The following CABLES1 variants were observed in gnomAD, a reference collection of about 807,000 sequenced individuals.
CABLES1 encodes the protein CDK5 and ABL1 enzyme substrate 1.
CABLES1 carries 36 observed loss-of-function variants against 57.8 expected under a neutral mutation model. The observed-to-expected ratio is 0.62, with a 90% confidence interval of 0.48 to 0.82. The LOEUF (loss-of-function observed/expected upper bound fraction) is 0.82, where lower values mean the gene tolerates loss of function less well. Among genes scored for constraint, CABLES1 ranks in the 40% least tolerant of loss-of-function variants. CABLES1 has a pLI of 0.00. For missense variants in CABLES1, 767 were observed against 836.6 expected, an observed-to-expected ratio of 0.92 and a Z score of 1.03; for synonymous variants, 374 against 363.0, an observed-to-expected ratio of 1.03 and a Z score of -0.35.
At chr18:23,168,899 T>C (rs909519458) in intron 1 of CABLES1, among the ~76,000 whole-genome samples, 2 of 150,234 alleles carry the variant, frequency 1.3e-5, no homozygotes, top group African/African-American at 5.1e-5. Flanking sequence ...AGCAGCTCCT[T>C]CTTAAATAGG....
chr18:23,203,475 A>T (rs1339872698), intron 3 of CABLES1, among the ~76,000 whole-genome samples: 1 of 151,900 alleles, frequency 6.6e-6, no homozygotes, highest in Non-Finnish European at 1.5e-5. Context: ...AAAAAAAAGA[A>T]AGAAACACGT....
intron 1 of CABLES1, among the ~76,000 whole-genome samples, chr18:23,148,803 A>G (rs1413098049): frequency 1.3e-5 from 2 of 152,226 alleles, no homozygotes; most frequent in Non-Finnish European, 2.9e-5. Flanking sequence ...ATCCAGAGGA[A>G]AACGGGAAGA....
chr18:23,242,847 A>G (rs1478519974), intron 7 of CABLES1, among the ~76,000 whole-genome samples: 1 of 152,094 alleles, frequency 6.6e-6, no homozygotes, highest in Non-Finnish European at 1.5e-5. Flanking sequence ...CTCTACCCCT[A>G]CATCTCCCCA....
chr18:23,190,131 C>T (rs188060367), intron 2 of CABLES1, among the ~76,000 whole-genome samples: 94 of 152,310 alleles, frequency 6.2e-4, no homozygotes, highest in African/African-American at 2.2e-3. Context: ...GGCCATTTCC[C>T]TGCAGGAGTC....
chr18:23,154,908 G>C (rs1354278464), intron 1 of CABLES1, among the ~76,000 whole-genome samples: 1 of 152,222 alleles, frequency 6.6e-6, no homozygotes, highest in Non-Finnish European at 1.5e-5. Context: ...AACATACGCT[G>C]ATATTCATGT....
At chr18:23,149,541 C>T (rs998527514) in intron 1 of CABLES1, among the ~76,000 whole-genome samples, 1 of 152,216 alleles carries the variant, frequency 6.6e-6, no homozygotes, top group Non-Finnish European at 1.5e-5. Context: ...CTCAGTCTCC[C>T]AAGGTGCTGG....
intron 1 of CABLES1, chr18:23,155,752 C>G: frequency 7.2e-7 from 1 of 1,379,638 alleles, no homozygotes; most frequent in Non-Finnish European, 9.6e-7. Context: ...CATATTTTCC[C>G]CTATGGCTTT....
At chr18:23,211,086 G>A (rs949470745) in intron 3 of CABLES1, among the ~76,000 whole-genome samples, 29 of 151,740 alleles carry the variant, frequency 1.9e-4, no homozygotes, top group Non-Finnish European at 2.4e-4. Context: ...CAGAGTGAGC[G>A]CTCACTTAAT....
Position 23,228,770 on chromosome 18 carries a change from A to G in CABLES1, c.1089-5838A>G, listed in dbSNP as rs118176068. ...TTAAAAAAAAAAAAAAAAAAAGTAT[A>G]TATCTTTGTGCTGGATTTTCAGTGT... On this transcript the variant is annotated intron_variant, in intron 4 of 9. Coordinates refer to ENST00000256925, the MANE Select transcript of CABLES1 (RefSeq NM_001100619.3). Among the ~76,000 whole-genome samples the G allele has an allele frequency of 7.3e-3, 1,095 of 150,104 alleles. 29 individuals are homozygous for G. Among genetic ancestry groups the G allele is most frequent in the East Asian group, 0.072 (365 of 5,046 alleles).
chr18:23,167,332 CA>C (rs1309250024), intron 1 of CABLES1, among the ~76,000 whole-genome samples: 5 of 152,156 alleles, frequency 3.3e-5, no homozygotes, highest in Admixed American at 6.5e-5. Context: ...GGAGAATGAT[CA>C]GGCTCCCTAG....
chr18:23,156,344 T>G (rs1262274399), intron 1 of CABLES1, among the ~76,000 whole-genome samples: 1 of 152,146 alleles, frequency 6.6e-6, no homozygotes, highest in Non-Finnish European at 1.5e-5. Flanking sequence ...GGGTTGATGC[T>G]GGCCAAAGGC....
intron 3 of CABLES1, among the ~76,000 whole-genome samples, chr18:23,202,411 C>T (rs1409446009): frequency 6.6e-6 from 1 of 152,214 alleles, no homozygotes; most frequent in Non-Finnish European, 1.5e-5. Context: ...GCCACAGCAT[C>T]TGGAACGGGC....
chr18:23,148,846 A>AT (rs2046909626), intron 1 of CABLES1, among the ~76,000 whole-genome samples: 1 of 152,150 alleles, frequency 6.6e-6, no homozygotes, highest in African/African-American at 2.4e-5. Context: ...GCAGAGCTGG[A>AT]TTTTTCAAAA....
intron 1 of CABLES1, among the ~76,000 whole-genome samples, chr18:23,140,734 C>T (rs1443831087): frequency 1.3e-5 from 2 of 152,124 alleles, no homozygotes; most frequent in Non-Finnish European, 2.9e-5. Flanking sequence ...CACCGCGCCC[C>T]ACCCAGGGTA....
chr18:23,252,674 C>T (rs1344814953), intron 7 of CABLES1, among the ~76,000 whole-genome samples: 2 of 152,214 alleles, frequency 1.3e-5, no homozygotes, highest in African/African-American at 2.4e-5. Flanking sequence ...CACCTGGGAA[C>T]TGACACAGGC....
At chr18:23,141,009 G>T (rs11082304) in intron 1 of CABLES1, among the ~76,000 whole-genome samples, 63,308 of 152,104 alleles carry the variant, frequency 0.42, 14,303 homozygotes, top group East Asian at 0.53. Context: ...AAATGCTTCA[G>T]ATTTGGGCTT....
intron 4 of CABLES1, among the ~76,000 whole-genome samples, chr18:23,221,646 G>A (rs1431201364): frequency 1.3e-5 from 2 of 152,192 alleles, no homozygotes; most frequent in Non-Finnish European, 2.9e-5. Flanking sequence ...GCCATCTGGG[G>A]CCCCCACCTT....
intron 7 of CABLES1, among the ~76,000 whole-genome samples, chr18:23,250,191 A>C (rs1174273458): frequency 6.6e-6 from 1 of 152,240 alleles, no homozygotes; most frequent in Non-Finnish European, 1.5e-5. Flanking sequence ...AAGCAGCAGG[A>C]TATCCTTGCT....
intron 1 of CABLES1, among the ~76,000 whole-genome samples, chr18:23,186,782 C>CT (rs1483002889): frequency 6.6e-6 from 1 of 152,184 alleles, no homozygotes; most frequent in African/African-American, 2.4e-5. Flanking sequence ...ATTTCAGTGT[C>CT]TGATTCTAGG....
Sources: gnomAD v4.1 joint callset for allele counts (sites outside exome capture counted in the v4.1 genomes callset) on GRCh38, gnomAD v4.1.1 for gene constraint, MANE v1.5 for transcripts, NCBI Gene and HGNC (gene_info 2026-07-23, HGNC 2026-07-21) for gene names.